The following OR10J1 variants were observed in gnomAD, a reference collection of about 807,000 sequenced individuals.
The protein encoded by OR10J1 is olfactory receptor family 10 subfamily J member 1.
For missense variants in OR10J1, 474 were observed against 376.6 expected (o/e 1.26, Z -2.14); for synonymous variants, 202 against 143.8 (o/e 1.40, Z -2.89).
chr1:159,433,925 G>A (rs569194935), upstream of OR10J1, among the ~76,000 whole-genome samples: 2 of 152,254 alleles, frequency 1.3e-5, no homozygotes, highest in East Asian at 3.9e-4. Context: ...AAGCAAAGAA[G>A]ACTGCTGTGA....
At chr1:159,435,456 A>C (rs1215621469), upstream of OR10J1, among the ~76,000 whole-genome samples, 1 of 152,234 alleles carries the variant, frequency 6.6e-6, no homozygotes, top group Non-Finnish European at 1.5e-5. Flanking sequence ...TCTCCTTTTC[A>C]GAACTTATTT....
the OR10J1 span, among the ~76,000 whole-genome samples, chr1:159,410,278 A>C: frequency 2.0e-5 from 3 of 152,272 alleles, no homozygotes; most frequent in African/African-American, 7.2e-5. Context: ...GAATGGTACC[A>C]GTTCCTCCTT....
chr1:159,410,836 A>G, the OR10J1 span, among the ~76,000 whole-genome samples: 2 of 149,766 alleles, frequency 1.3e-5, no homozygotes, highest in African/African-American at 2.4e-5. Context: ...GTGGGCATTT[A>G]GTGCTATAAA....
chr1:159,430,356 A>T, the OR10J1 span, among the ~76,000 whole-genome samples: 1 of 152,118 alleles, frequency 6.6e-6, no homozygotes, highest in African/African-American at 2.4e-5. Flanking sequence ...GCAGTCTCTG[A>T]GATAGATATT....
At chr1:159,411,314 T>A in the OR10J1 span, among the ~76,000 whole-genome samples, 1 of 152,138 alleles carries the variant, frequency 6.6e-6, no homozygotes, top group Non-Finnish European at 1.5e-5. Context: ...AGTCTCCCAT[T>A]TTTATTGTGT....
In OR10J1 at chr1:159,440,412, T is replaced by G; in HGVS notation, c.621T>G (p.Val207=). The part of the protein sequence containing the change: ...LTLIISVLVL[V]VPMGLVFISY... ...TGATTATCAGTGTGCTGGTGCTTGT[T>G]GTACCTATGGGTCTGGTTTTCATTT... Residue 207 remains valine (V), a synonymous_variant, in exon 1 of 1, where the codon GTT becomes GTG. Transcript: ENST00000423932. 1 of 1,614,182 alleles carries G rather than the reference T, an allele frequency of 6.2e-7. No individual in the cohort carries two copies. The highest frequency in any genetic ancestry group is 8.5e-7 in the Non-Finnish European group (1 of 1,180,016).
At chr1:159,423,550 T>C in the OR10J1 span, among the ~76,000 whole-genome samples, 11 of 152,342 alleles carry the variant, frequency 7.2e-5, no homozygotes, top group Middle Eastern at 3.4e-3. Flanking sequence ...CTCACTGTAC[T>C]TCCCATATTC....
upstream of OR10J1, among the ~76,000 whole-genome samples, chr1:159,433,569 G>A (rs983685324): frequency 1.3e-5 from 2 of 152,202 alleles, no homozygotes; most frequent in South Asian, 2.1e-4. Context: ...TCTGAAGATG[G>A]GACCAACTCT....
chr1:159,419,689 A>G, the OR10J1 span, among the ~76,000 whole-genome samples: 1 of 152,146 alleles, frequency 6.6e-6, no homozygotes, highest in Non-Finnish European at 1.5e-5. Flanking sequence ...GTCTCAGAAG[A>G]CATTTGATAT....
chr1:159,424,384 A>G, the OR10J1 span, among the ~76,000 whole-genome samples: 1 of 150,402 alleles, frequency 6.6e-6, no homozygotes, highest in Non-Finnish European at 1.5e-5. Context: ...ATATGTGCAT[A>G]TATGTGTATA....
At chr1:159,414,695 C>T in the OR10J1 span, among the ~76,000 whole-genome samples, 5 of 152,126 alleles carry the variant, frequency 3.3e-5, no homozygotes, top group South Asian at 2.1e-4. Flanking sequence ...TACTAATTTA[C>T]GTTCCCACCA....
the OR10J1 span, among the ~76,000 whole-genome samples, chr1:159,404,585 T>C: frequency 1.3e-5 from 2 of 152,176 alleles, no homozygotes; most frequent in Admixed American, 6.6e-5. Context: ...AGATGCTTTT[T>C]TCCCCTAAAA....
At chr1:159,419,355 T>C in the OR10J1 span, among the ~76,000 whole-genome samples, 3 of 152,074 alleles carry the variant, frequency 2.0e-5, no homozygotes, top group African/African-American at 4.8e-5. Context: ...TGGGGGTGGG[T>C]CTTTCCCATG....
chr1:159,428,560 A>G, the OR10J1 span, among the ~76,000 whole-genome samples: 1 of 152,212 alleles, frequency 6.6e-6, no homozygotes, highest in South Asian at 2.1e-4. Context: ...CAAGGTCTCG[A>G]TAAGACTTGC....
upstream of OR10J1, among the ~76,000 whole-genome samples, chr1:159,437,602 G>C (rs1000011035): frequency 6.6e-6 from 1 of 152,160 alleles, no homozygotes; most frequent in African/African-American, 2.4e-5. Context: ...TCAACTTGAA[G>C]CAAAAACTTT....
At chr1:159,423,208 T>C in the OR10J1 span, among the ~76,000 whole-genome samples, 2 of 152,222 alleles carry the variant, frequency 1.3e-5, no homozygotes, top group African/African-American at 4.8e-5. Context: ...CTACAGGTGA[T>C]GACAATGCTT....
chr1:159,402,061 C>T, the OR10J1 span, among the ~76,000 whole-genome samples: 1 of 151,848 alleles, frequency 6.6e-6, no homozygotes. Flanking sequence ...CATGATAAAA[C>T]CCCTAAAAAT....
the OR10J1 span, among the ~76,000 whole-genome samples, chr1:159,418,618 C>T: frequency 6.6e-6 from 1 of 152,196 alleles, no homozygotes; most frequent in Non-Finnish European, 1.5e-5. Context: ...AGAACCTCTG[C>T]TTGGGCAGTG....
chr1:159,440,510 G>A lies in OR10J1; in HGVS notation c.719G>A (p.Cys240Tyr), dbSNP rs766166155. The A allele has an allele frequency of 6.2e-6, 10 of 1,613,932 alleles. No individual in the cohort carries two copies. Among genetic ancestry groups the A allele is most frequent in the African/African-American group, 1.3e-5 (1 of 74,862 alleles). The change falls in exon 1 of 1, where the codon TGT becomes TAT. Residue 240 changes from cysteine (C) to tyrosine (Y), a missense_variant. Transcript: ENST00000423932. ...GGCCGGAAGAAGGCTTTTGCCACCT[G>A]TGCATCCCACCTCACTGTGGTCATT... is the stretch of plus-strand genomic sequence containing the variant. ...VEGRKKAFAT[C>Y]ASHLTVVIVH...
Sources: gnomAD v4.1 joint callset for allele counts (sites outside exome capture counted in the v4.1 genomes callset) on GRCh38, gnomAD v4.1.1 for gene constraint, MANE v1.5 for transcripts, NCBI Gene and HGNC (gene_info 2026-07-23, HGNC 2026-07-21) for gene names.